RBFOX1: variants seen among roughly 807,000 people sequenced by gnomAD.
RBFOX1 encodes the protein RNA binding fox-1 homolog 1, also known as RNA binding protein fox-1 homolog 1.
RBFOX1 carries 8 observed loss-of-function variants against 57.7 expected under a neutral mutation model. The observed-to-expected ratio is 0.14, with a 90% CI of 0.08 to 0.25. The LOEUF (loss-of-function observed/expected upper bound fraction) is 0.25. RBFOX1 is among the 10% of genes least tolerant of loss of function. RBFOX1 has a pLI of 1.00. For missense variants in RBFOX1, 611 were observed against 548.5 expected (o/e 1.11, Z -1.14); for synonymous variants, 326 against 222.4 (o/e 1.47, Z -4.15).
rs540663029 is a variant in RBFOX1 at position 7,050,352 on chromosome 16, G to A, written c.-15-1705G>A. Among the ~76,000 whole-genome samples, 77 of 145,644 alleles carry A rather than the reference G, an allele frequency of 5.3e-4. No homozygotes were observed. The South Asian group carries it at 7.3e-3, about 14-fold the overall frequency. On this transcript the variant is annotated intron_variant, in intron 3 of 15. Transcript: ENST00000550418. ...GGGAACTCAGCTCACTGCAACCTCTGCCTCCCAGGTTCAAGTGATTCTCCT... is the reference window on the plus strand; with the variant it reads ...GGGAACTCAGCTCACTGCAACCTCTACCTCCCAGGTTCAAGTGATTCTCCT...
At chr16:7,422,415 C>A (rs2098551615) in intron 4 of RBFOX1, among the ~76,000 whole-genome samples, 1 of 152,100 alleles carries the variant, frequency 6.6e-6, no homozygotes, top group African/African-American at 2.4e-5. Context: ...GGGAGGCTGC[C>A]AACATTACCT....
At chr16:5,446,629 A>C (rs968310971) in intron 1 of RBFOX1, among the ~76,000 whole-genome samples, 1 of 151,968 alleles carries the variant, frequency 6.6e-6, no homozygotes, top group African/African-American at 2.4e-5. Context: ...ACCCCTGTGG[A>C]TTTCTCTGGC....
intron 1 of RBFOX1, among the ~76,000 whole-genome samples, chr16:6,212,777 A>G (rs2097307149): frequency 6.6e-6 from 1 of 152,206 alleles, no homozygotes; most frequent in Non-Finnish European, 1.5e-5. Flanking sequence ...CGTTTTTATA[A>G]TTGAAGATTT....
chr16:6,907,151 T>A (rs2070220082), intron 3 of RBFOX1, among the ~76,000 whole-genome samples: 2 of 152,246 alleles, frequency 1.3e-5, no homozygotes, highest in Admixed American at 1.3e-4. Context: ...GACATTTCTG[T>A]GTTTTACAAC....
intron 1 of RBFOX1, among the ~76,000 whole-genome samples, chr16:5,245,281 A>T (rs1238319565): frequency 3.3e-5 from 5 of 152,208 alleles, no homozygotes; most frequent in Non-Finnish European, 7.3e-5. Flanking sequence ...GTCTGATCTC[A>T]GGGCTGACAG....
chr16:5,308,950 A>G (rs1467709884), intron 1 of RBFOX1, among the ~76,000 whole-genome samples: 1 of 152,024 alleles, frequency 6.6e-6, no homozygotes, highest in Non-Finnish European at 1.5e-5. Flanking sequence ...TGGGAGTTCT[A>G]GGTCTTAAGA....
intron 3 of RBFOX1, among the ~76,000 whole-genome samples, chr16:5,671,581 G>T (rs969645288): frequency 1.3e-5 from 2 of 152,154 alleles, no homozygotes; most frequent in South Asian, 2.1e-4. Context: ...CAAGTTTCTG[G>T]AGCATTTAGT....
At chr16:5,255,429 C>T (rs2062568392) in intron 1 of RBFOX1, among the ~76,000 whole-genome samples, 2 of 151,738 alleles carry the variant, frequency 1.3e-5, no homozygotes, top group Admixed American at 6.6e-5. Context: ...TCCACCCACC[C>T]ACCCATCTAT....
chr16:5,576,999 C>T (rs1025709755), intron 2 of RBFOX1, among the ~76,000 whole-genome samples: 2 of 152,180 alleles, frequency 1.3e-5, no homozygotes, highest in Admixed American at 6.5e-5. Flanking sequence ...TCAGAACCCT[C>T]GGCGGAGGCC....
At chr16:6,026,674 C>A (rs2095201425) in intron 1 of RBFOX1, among the ~76,000 whole-genome samples, 1 of 152,240 alleles carries the variant, frequency 6.6e-6, no homozygotes, top group African/African-American at 2.4e-5. Context: ...TGCAGTATTA[C>A]TTTATCGTTG....
At chr16:5,783,500 G>GAA (rs1032013869) in intron 3 of RBFOX1, among the ~76,000 whole-genome samples, 1 of 152,080 alleles carries the variant, frequency 6.6e-6, no homozygotes, top group African/African-American at 2.4e-5. Flanking sequence ...AAAGTGGATA[G>GAA]AAAAAAATCA....
chr16:6,789,114 A>G (rs147911046), intron 3 of RBFOX1, among the ~76,000 whole-genome samples: 14 of 152,006 alleles, frequency 9.2e-5, no homozygotes, highest in African/African-American at 3.1e-4. Context: ...AATTTACCAG[A>G]TTAGGATTTT....
intron 3 of RBFOX1, among the ~76,000 whole-genome samples, chr16:5,694,065 A>C (rs892060119): frequency 1.3e-5 from 2 of 152,184 alleles, no homozygotes; most frequent in East Asian, 3.9e-4. Flanking sequence ...CTCAGCTCTC[A>C]TTTTGCCTCA....
At chr16:5,651,114 G>A (rs1198027805) in intron 3 of RBFOX1, among the ~76,000 whole-genome samples, 4 of 130,872 alleles carry the variant, frequency 3.1e-5, no homozygotes, top group Non-Finnish European at 6.2e-5. Flanking sequence ...GTGCAGTGGC[G>A]TGATCTCAGG....
intron 2 of RBFOX1, among the ~76,000 whole-genome samples, chr16:6,601,216 GTC>G (rs1243985822): frequency 6.6e-6 from 1 of 152,144 alleles, no homozygotes; most frequent in Non-Finnish European, 1.5e-5. Flanking sequence ...AAATGGAAGA[GTC>G]TTTTTTGCTG....
intron 2 of RBFOX1, among the ~76,000 whole-genome samples, chr16:6,438,115 T>C (rs2795568): frequency 0.059 from 8,955 of 152,288 alleles, 570 homozygotes; most frequent in African/African-American, 0.16. Context: ...AAGACCTTGC[T>C]ATTTATGCTG....
rs936283580 is a variant in RBFOX1 at position 7,375,487 on chromosome 16, C to T, written c.28-142660C>T. On this transcript the variant is annotated intron_variant, in intron 4 of 15. Transcript: ENST00000550418. ...ACCTGCATTGGGCTCCCATGTGTTA[C>T]GAGAGGTTTTGTTTTTTTGTTTTTT... 6.6e-5 allele frequency among the ~76,000 whole-genome samples: 10 copies of T among 150,740 alleles called. 1 individual carries two copies. Among genetic ancestry groups the T allele is most frequent in the African/African-American group, 1.2e-4 (5 of 40,984 alleles).
At chr16:7,691,766 A>C (rs1002984271) in intron 14 of RBFOX1, among the ~76,000 whole-genome samples, 1 of 152,182 alleles carries the variant, frequency 6.6e-6, no homozygotes, top group African/African-American at 2.4e-5. Context: ...ACAAGCTAGC[A>C]ATCTGTTCTA....
At chr16:5,617,245 A>G (rs370709965) in intron 3 of RBFOX1, among the ~76,000 whole-genome samples, 3 of 152,122 alleles carry the variant, frequency 2.0e-5, no homozygotes, top group Non-Finnish European at 2.9e-5. Context: ...GCATTCCTCT[A>G]ACTTCCCTAC....
Sources: allele counts gnomAD v4.1 joint callset (sites outside exome capture counted in the v4.1 genomes callset), GRCh38; gene constraint gnomAD v4.1.1; transcripts MANE v1.5; gene names NCBI Gene and HGNC (gene_info 2026-07-23, HGNC 2026-07-21).